The following KCTD16 variants were observed in gnomAD, a reference collection of about 807,000 sequenced individuals.
KCTD16 encodes the protein potassium channel tetramerization domain containing 16.
A neutral mutation model predicts 33.2 loss-of-function variants in KCTD16; 13 were observed. That is an observed-to-expected ratio of 0.39 (90% CI 0.25 to 0.62). The LOEUF is 0.62. Ranked by LOEUF, KCTD16 falls within the 20% of genes least tolerant of loss-of-function variation. The probability of loss-of-function intolerance (pLI) is 0.50; values close to 1 mark genes in which losing one functional copy is unlikely to be tolerated. For missense variants in KCTD16, 441 were observed against 525.1 expected (o/e 0.84, Z 1.57); for synonymous variants, 197 against 195.3 (o/e 1.01, Z -0.07).
At chr5:144,316,702 G>A (rs557975137) in intron 3 of KCTD16, among the ~76,000 whole-genome samples, 21 of 151,860 alleles carry the variant, frequency 1.4e-4, no homozygotes, top group African/African-American at 5.1e-4. Flanking sequence ...TAGTGGAGAA[G>A]GGGTTTCGCT....
chr5:144,474,118 A>C lies in KCTD16; in HGVS notation c.*4A>C. 6 of 1,252,628 alleles carry C rather than the reference A, an allele frequency of 4.8e-6. No individual in the cohort carries two copies. Among genetic ancestry groups the C allele is most frequent in the South Asian group, 1.3e-5 (1 of 78,264 alleles). 77.6% of individuals were successfully genotyped at this position (1,252,628 alleles called of 1,614,324 possible). On this transcript the variant is annotated 3_prime_UTR_variant, in exon 4 of 4. Transcript: ENST00000512467. ...TTTAAGGAAGTATCATCTATAAGGG[A>C]GGGCTGGGGGCGGGAAAAGAAAAAA...
At chr5:144,303,328 A>G (rs1751495645) in intron 3 of KCTD16, among the ~76,000 whole-genome samples, 1 of 152,208 alleles carries the variant, frequency 6.6e-6, no homozygotes, top group Admixed American at 6.5e-5. Flanking sequence ...CTTTTTCTAG[A>G]CTTAGGAACA....
At chr5:144,397,967 G>C (rs1272246158) in intron 3 of KCTD16, among the ~76,000 whole-genome samples, 3 of 152,218 alleles carry the variant, frequency 2.0e-5, no homozygotes, top group Non-Finnish European at 2.9e-5. Context: ...GTTGGATAGA[G>C]CATGTCAGGT....
At chr5:144,473,541 A>G (rs1329840515) in intron 3 of KCTD16, 119 bp from the exon 4 acceptor site, 2 of 1,078,820 alleles carry the variant, frequency 1.9e-6, no homozygotes, top group East Asian at 4.9e-5. Flanking sequence ...CACTTTTTCT[A>G]AAAGCATGGT....
intron 3 of KCTD16, among the ~76,000 whole-genome samples, chr5:144,376,903 C>T (rs78091725): frequency 0.013 from 1,926 of 152,300 alleles, 32 homozygotes; most frequent in African/African-American, 0.043. Context: ...CAGTGCCACA[C>T]CCCTTGTGCC....
At chr5:144,376,854 C>T (rs1434407744) in intron 3 of KCTD16, among the ~76,000 whole-genome samples, 1 of 152,172 alleles carries the variant, frequency 6.6e-6, no homozygotes, top group Non-Finnish European at 1.5e-5. Flanking sequence ...ATCACTAACA[C>T]TGTAAAGATG....
intron 2 of KCTD16, among the ~76,000 whole-genome samples, chr5:144,176,938 A>G (rs1474698998): frequency 6.6e-6 from 1 of 152,206 alleles, no homozygotes; most frequent in Non-Finnish European, 1.5e-5. Flanking sequence ...AAATCTTTGT[A>G]ACCAGATGCA....
At chr5:144,309,777 T>G (rs1399013536) in intron 3 of KCTD16, among the ~76,000 whole-genome samples, 1 of 152,114 alleles carries the variant, frequency 6.6e-6, no homozygotes, top group African/African-American at 2.4e-5. Flanking sequence ...TGGACCATTT[T>G]GGGACATTAT....
intron 3 of KCTD16, among the ~76,000 whole-genome samples, chr5:144,358,085 G>A (rs537552454): frequency 1.1e-4 from 16 of 148,212 alleles, no homozygotes; most frequent in Admixed American, 8.7e-4. Flanking sequence ...CACCACACCC[G>A]GCTAATTTTT....
intron 2 of KCTD16, 74 bp downstream of exon 2, chr5:144,174,546 T>C (rs1402087834): frequency 6.6e-6 from 1 of 152,240 alleles, no homozygotes; most frequent in African/African-American, 2.4e-5. Context: ...ATGACAATTA[T>C]ATTTCCTCCA....
intron 3 of KCTD16, among the ~76,000 whole-genome samples, chr5:144,348,840 G>C (rs1357977509): frequency 6.6e-6 from 1 of 152,168 alleles, no homozygotes; most frequent in Non-Finnish European, 1.5e-5. Flanking sequence ...GTTTAGAGAA[G>C]GCCAACCCTT....
At position 144,452,284 on chromosome 5, in the gene KCTD16, T is replaced by C. The variant is rs148283517; in HGVS notation, c.833-21376T>C. On this transcript the variant is annotated intron_variant, in intron 3 of 3. Coordinates refer to ENST00000512467, the MANE Select transcript of KCTD16 (RefSeq NM_020768.4). ...GGATAATCTATGTTTGAACATACTATGTAAAATTTAACCAATTTTAAGAAA... is the reference window on the plus strand; with the variant it reads ...GGATAATCTATGTTTGAACATACTACGTAAAATTTAACCAATTTTAAGAAA... 8.6e-4 allele frequency among the ~76,000 whole-genome samples: 130 copies of C among 151,906 alleles called. 1 individual carries two copies. In the East Asian group the frequency reaches 0.023, roughly 27 times the overall value.
intron 3 of KCTD16, among the ~76,000 whole-genome samples, chr5:144,259,291 AAGCATGTC>A (rs140564762): frequency 0.17 from 22,238 of 130,894 alleles, 3,222 homozygotes; most frequent in Non-Finnish European, 0.23. Context: ...AAAAGGGATG[AAGCATGTC>A]CTTGGGAAAA....
At chr5:144,270,591 T>G (rs1026978158) in intron 3 of KCTD16, among the ~76,000 whole-genome samples, 3 of 147,324 alleles carry the variant, frequency 2.0e-5, no homozygotes, top group Admixed American at 1.4e-4. Flanking sequence ...AAATAAGAAA[T>G]ATCTCAAATC....
At chr5:144,242,141 T>G (rs1754421063) in intron 3 of KCTD16, among the ~76,000 whole-genome samples, 1 of 151,996 alleles carries the variant, frequency 6.6e-6, no homozygotes, top group Non-Finnish European at 1.5e-5. Context: ...GTTTTTAAGC[T>G]TATTATTTTT....
At chr5:144,352,060 T>C (rs1751452991) in intron 3 of KCTD16, among the ~76,000 whole-genome samples, 2 of 152,224 alleles carry the variant, frequency 1.3e-5, no homozygotes, top group Admixed American at 6.5e-5. Flanking sequence ...GTATATGTGT[T>C]CGTGCATGTG....
chr5:144,170,928 C>T lies in KCTD16; in HGVS notation c.-574C>T, dbSNP rs1752366747. 1 of 152,186 alleles carries T rather than the reference C, an allele frequency of 6.6e-6. No individual in the cohort carries two copies. Among genetic ancestry groups the T allele is most frequent in the African/African-American group, 2.4e-5 (1 of 41,414 alleles). The allele number at this position is 152,186 out of a possible 1,614,324, so 9.4% of individuals were successfully genotyped here. On this transcript the variant is annotated 5_prime_UTR_variant, in exon 1 of 4. Coordinates refer to ENST00000512467, the MANE Select transcript of KCTD16 (RefSeq NM_020768.4). Reference sequence around the variant, plus strand: ...CGCTAAAATGAGACAGACGGAGTCCCCTCTCCTGTCCACAAACTACAATGC... The same window carrying T: ...CGCTAAAATGAGACAGACGGAGTCCTCTCTCCTGTCCACAAACTACAATGC...
intron 2 of KCTD16, among the ~76,000 whole-genome samples, chr5:144,176,086 C>T (rs1353536869): frequency 6.6e-6 from 1 of 152,126 alleles, no homozygotes; most frequent in Non-Finnish European, 1.5e-5. Context: ...AAATTTTAGT[C>T]TCATAAGTAT....
At chr5:144,223,266 C>T (rs1447954749) in intron 3 of KCTD16, among the ~76,000 whole-genome samples, 1 of 152,026 alleles carries the variant, frequency 6.6e-6, no homozygotes, top group Admixed American at 6.6e-5. Context: ...ACATTGTGCA[C>T]ACGTACCCTA....
Sources: allele counts gnomAD v4.1 joint callset (sites outside exome capture counted in the v4.1 genomes callset), GRCh38; gene constraint gnomAD v4.1.1; transcripts MANE v1.5; gene names NCBI Gene and HGNC (gene_info 2026-07-23, HGNC 2026-07-21).